Variants in AKT3 observed in about 807,000 individuals in gnomAD.
AKT3 encodes the protein AKT serine/threonine kinase 3, also known as RAC-gamma serine/threonine-protein kinase.
Under a neutral mutation model 65.3 loss-of-function variants are expected in AKT3, and 15 were observed. The observed-to-expected ratio is 0.23, with a 90% CI of 0.15 to 0.35. AKT3 has a LOEUF of 0.35. Ranked by LOEUF, AKT3 falls within the 10% of genes least tolerant of loss-of-function variation. The pLI is 1.00. For synonymous variants in AKT3, 206 were observed against 183.8 expected (o/e 1.12, Z -0.98); for missense variants, 243 against 576.5 (o/e 0.42, Z 5.92).
At position 243,846,002 on chromosome 1, in the gene AKT3, T is replaced by A. The variant is rs1031469722; in HGVS notation, c.-112-2720A>T. Among the ~76,000 whole-genome samples, 5 of 152,322 alleles carry A rather than the reference T, an allele frequency of 3.3e-5. No individual in the cohort carries two copies. In the East Asian group the frequency reaches 5.8e-4, roughly 18 times the overall value. ...GATGAACTCTGAATAGCTTTATAGC[T>A]CTTCCAGAGCTAATATTTATGATTC... On this transcript the variant is annotated intron_variant, in intron 1 of 13. Transcript: ENST00000673466.
chr1:243,794,895 G>A (rs979525548), intron 2 of AKT3, among the ~76,000 whole-genome samples: 4 of 152,136 alleles, frequency 2.6e-5, no homozygotes, highest in Admixed American at 6.5e-5. Context: ...TACCACTCAC[G>A]CACCAGGTTC....
chr1:243,502,809 G>C lies in AKT3; in HGVS notation c.*2440C>G, dbSNP rs1376986590. On this transcript the variant is annotated 3_prime_UTR_variant, in exon 14 of 14. Transcript: ENST00000673466. ...GCCAGTGTGAGGAGTGGCCCGCCTG[G>C]GGCAATGTCAGTGCCAGTCATTAAT... 8.6e-6 allele frequency: 2 copies of C among 233,132 alleles called. No individual in the cohort carries two copies. The highest frequency in any genetic ancestry group is 4.4e-5 in the African/African-American group (2 of 45,326). 14.4% of individuals were successfully genotyped at this position (233,132 alleles called of 1,614,324 possible).
intron 2 of AKT3, among the ~76,000 whole-genome samples, chr1:243,740,975 G>A (rs536004691): frequency 6.6e-6 from 1 of 152,224 alleles, no homozygotes; most frequent in Admixed American, 6.5e-5. Flanking sequence ...AAATTTCAGG[G>A]GAGGGGTCTC....
At chr1:243,739,375 C>T (rs767147415) in intron 2 of AKT3, 3 of 152,052 alleles carry the variant, frequency 2.0e-5, no homozygotes, top group Non-Finnish European at 2.9e-5. Flanking sequence ...TAGGTCAATT[C>T]GCACTCTAAA....
rs528869449 is a variant in AKT3, at chr1:243,681,529, A to G, written c.172+14062T>C. Among the ~76,000 whole-genome samples, 12 of 152,196 alleles carry G rather than the reference A, an allele frequency of 7.9e-5. No individual in the cohort carries two copies. The South Asian group carries it at 1.5e-3, about 18-fold the overall frequency. On this transcript the variant is annotated intron_variant, in intron 3 of 13. Coordinates refer to ENST00000673466, the MANE Select transcript of AKT3 (RefSeq NM_005465.7). ...TATCAGCCACCCATCTACGACATCT[A>G]TATTTGTTCCTTTGCTCTAGCAGAA...
chr1:243,790,406 A>G lies in AKT3; in HGVS notation c.46+52719T>C, dbSNP rs12410348. Among the ~76,000 whole-genome samples the G allele has an allele frequency of 4.6e-3, 699 of 152,300 alleles. 17 individuals carry two copies. The highest frequency in any genetic ancestry group is 0.037 in the Admixed American group (570 of 15,290). ...TAAACCTCATGAATCAACCTCTGTT[A>G]GCTTCTAACTTTTCTTCTGCAGCTT... On this transcript the variant is annotated intron_variant, in intron 2 of 13. Coordinates refer to ENST00000673466, the MANE Select transcript of AKT3 (RefSeq NM_005465.7).
At chr1:243,850,332 G>C (rs1695724956), upstream of AKT3, among the ~76,000 whole-genome samples, 1 of 147,656 alleles carries the variant, frequency 6.8e-6, no homozygotes, top group African/African-American at 2.5e-5. Flanking sequence ...GAGGGGGAGG[G>C]AGGAGAGAGG....
rs933178727 is a variant in AKT3, at chr1:243,779,744, C to T, written c.46+63381G>A. On this transcript the variant is annotated intron_variant, in intron 2 of 13. Coordinates refer to ENST00000673466, the MANE Select transcript of AKT3 (RefSeq NM_005465.7). ...TTTTCCACTAAGAAGAACCAGAGCTCCCTAGAGAGCTGCTTCTAGAGGTAG... is the reference window on the plus strand; with the variant it reads ...TTTTCCACTAAGAAGAACCAGAGCTTCCTAGAGAGCTGCTTCTAGAGGTAG... Among the ~76,000 whole-genome samples the T allele has an allele frequency of 2.0e-5, 3 of 151,990 alleles. 1 individual carries two copies. The highest frequency in any genetic ancestry group is 4.2e-4 in the South Asian group (2 of 4,816).
rs2148449245 is a variant in AKT3, at chr1:243,545,539, C to T, written c.1222G>A (p.Val408Ile). 6.2e-7 allele frequency: 1 copy of T among 1,612,330 alleles called. No homozygotes were observed. The highest frequency in any genetic ancestry group is 8.5e-7 in the Non-Finnish European group (1 of 1,178,700). Reference sequence around the variant, plus strand: ...TTATCATATACATCTTGCCAGTTTACTCCAGAGAAGAAACTGTGTCTCATA... The same window carrying T: ...TTATCATATACATCTTGCCAGTTTATTCCAGAGAAGAAACTGTGTCTCATA... ...EIMRHSFFSG[V>I]NWQDVYDKKL... Residue 408 changes from valine (V) to isoleucine (I), a missense_variant, in exon 12 of 14, where the codon GTA becomes ATA. This residue lies in a region of AKT3 where 57 missense variants were observed against 107.6 expected (regional missense o/e 0.53). Transcript: ENST00000673466.
downstream of AKT3, among the ~76,000 whole-genome samples, chr1:243,499,188 G>A (rs1435409128): frequency 1.3e-5 from 2 of 152,188 alleles, no homozygotes; most frequent in Non-Finnish European, 2.9e-5. Flanking sequence ...TTGTATCTGC[G>A]TAAAACTAAG....
chr1:243,790,298 T>C (rs888364529), intron 2 of AKT3, among the ~76,000 whole-genome samples: 15 of 152,364 alleles, frequency 9.8e-5, no homozygotes, highest in Non-Finnish European at 2.2e-4. Context: ...TCGCTAGATC[T>C]TCTGGATAAA....
chr1:243,742,365 C>T (rs946928618), intron 2 of AKT3, among the ~76,000 whole-genome samples: 3 of 152,182 alleles, frequency 2.0e-5, no homozygotes, highest in Non-Finnish European at 4.4e-5. Flanking sequence ...GTGGTTCACA[C>T]CTGTAATCCC....
intron 6 of AKT3, chr1:243,624,517 T>G (rs1200648083): frequency 2.6e-5 from 4 of 152,446 alleles, no homozygotes; most frequent in African/African-American, 7.2e-5. Context: ...CTGCTTGGAA[T>G]AACAAACTCT....
intron 12 of AKT3, among the ~76,000 whole-genome samples, chr1:243,541,710 A>G (rs1320038016): frequency 6.6e-6 from 1 of 152,222 alleles, no homozygotes; most frequent in African/African-American, 2.4e-5. Flanking sequence ...TAGCCAATAC[A>G]GCAAGGCAAA....
At position 243,528,517 on chromosome 1, in the gene AKT3, CTT is replaced by C. The variant is rs373276828; in HGVS notation, c.1252-16093_1252-16092del. On this transcript the variant is annotated intron_variant, in intron 12 of 13. Coordinates refer to ENST00000673466, the MANE Select transcript of AKT3 (RefSeq NM_005465.7). ...AGGCCTTGGTGTCTGCTCTTCCTCT[CTT>C]TGTGTTGATACGTACTCAATGTTTA... 3.3e-3 allele frequency among the ~76,000 whole-genome samples: 500 copies of C among 152,278 alleles called. 4 individuals carry two copies. Among genetic ancestry groups the C allele is most frequent in the African/African-American group, 0.011 (446 of 41,558 alleles).
chr1:243,595,937 T>C (rs751679296), intron 8 of AKT3, among the ~76,000 whole-genome samples: 23 of 152,370 alleles, frequency 1.5e-4, no homozygotes, highest in Admixed American at 2.6e-4. Context: ...TCAAGTATTA[T>C]GTATCTAACT....
chr1:243,576,937 G>C (rs1007464711), intron 8 of AKT3, among the ~76,000 whole-genome samples: 1 of 152,116 alleles, frequency 6.6e-6, no homozygotes, highest in Admixed American at 6.5e-5. Flanking sequence ...TAAGCAAAAA[G>C]AACAAAGCTG....
intron 2 of AKT3, among the ~76,000 whole-genome samples, chr1:243,795,547 C>G (rs1190543909): frequency 7.2e-6 from 1 of 139,546 alleles, no homozygotes; most frequent in East Asian, 2.2e-4. Flanking sequence ...TCTCGGCTCA[C>G]TGCAAGCTCC....
In AKT3 at chr1:243,813,082, A is replaced by C. The variant is rs539557352; in HGVS notation, c.46+30043T>G. 3.4e-4 allele frequency among the ~76,000 whole-genome samples: 51 copies of C among 151,868 alleles called. No homozygotes were observed. In the South Asian group the frequency reaches 0.011, roughly 32 times the overall value. On this transcript the variant is annotated intron_variant, in intron 2 of 13. Transcript: ENST00000673466. ...TTAGGAGATATATCTAATGTAAATG[A>C]CGAGTTAATGGGTGCAGCACACCAA...
Sources: gnomAD v4.1 joint callset for allele counts (sites outside exome capture counted in the v4.1 genomes callset) on GRCh38, gnomAD v4.1.1 for gene constraint, gnomAD v4.1.1 regional missense constraint, MANE v1.5 for transcripts, NCBI Gene and HGNC (gene_info 2026-07-23, HGNC 2026-07-21) for gene names.